The following RSPO3 variants were observed in gnomAD, a reference collection of about 807,000 sequenced individuals.
RSPO3 encodes the protein R-spondin 3.
RSPO3 carries 17 observed loss-of-function variants against 36.5 expected under a neutral mutation model. That is an observed-to-expected ratio of 0.47 (90% CI 0.32 to 0.70). RSPO3 has a LOEUF of 0.70. Ranked by LOEUF, RSPO3 falls within the 30% of genes least tolerant of loss-of-function variation. The pLI is 0.04. For synonymous variants in RSPO3, 108 were observed against 107.0 expected (o/e 1.01, Z -0.06); for missense variants, 294 against 322.5 (o/e 0.91, Z 0.68).
chr6:127,135,122 A>G, intron 1 of RSPO3, among the ~76,000 whole-genome samples: 1 of 152,184 alleles, frequency 6.6e-6, no homozygotes, highest in Non-Finnish European at 1.5e-5. Flanking sequence ...TCAGAGGCCC[A>G]ATAAGATTGC....
intron 4 of RSPO3, among the ~76,000 whole-genome samples, chr6:127,187,317 A>G (rs1424061365): frequency 6.6e-6 from 1 of 152,190 alleles, no homozygotes; most frequent in Non-Finnish European, 1.5e-5. Flanking sequence ...ATTTCTGAAG[A>G]TAGGTAATAA....
rs374713812 is a variant in RSPO3 at position 127,168,544 on chromosome 6, C to T, written c.634+13106C>T. 8.6e-5 allele frequency among the ~76,000 whole-genome samples: 13 copies of T among 152,014 alleles called. No homozygotes were observed. In the East Asian group the frequency reaches 1.7e-3, roughly 20 times the overall value. On this transcript the variant is annotated intron_variant, in intron 4 of 4. Coordinates refer to ENST00000356698, the MANE Select transcript of RSPO3 (RefSeq NM_032784.5). ...TAGATTGCAAAAATTTTCTCCCATT[C>T]TGTAGGTTATTCACTCTGATGGTAG...
chr6:127,162,293 G>C (rs1269679644), intron 4 of RSPO3, among the ~76,000 whole-genome samples: 1 of 152,150 alleles, frequency 6.6e-6, no homozygotes, highest in Non-Finnish European at 1.5e-5. Flanking sequence ...TGCATATACA[G>C]GGTGGGAGAG....
intron 2 of RSPO3, 95 bp from the exon 3 acceptor site, chr6:127,150,331 T>C (rs1303016204): frequency 8.2e-7 from 1 of 1,213,716 alleles, no homozygotes; most frequent in African/African-American, 1.5e-5. Context: ...TATTTGATAC[T>C]AAAGTTGTGT....
intron 4 of RSPO3, among the ~76,000 whole-genome samples, chr6:127,165,293 G>T (rs1774800953): frequency 6.6e-6 from 1 of 151,994 alleles, no homozygotes; most frequent in East Asian, 1.9e-4. Context: ...ATACAATTTA[G>T]ATGGCTAATT....
At chr6:127,126,519 AGTT>A (rs1180351684) in intron 1 of RSPO3, among the ~76,000 whole-genome samples, 4 of 152,064 alleles carry the variant, frequency 2.6e-5, no homozygotes, top group Admixed American at 1.3e-4. Flanking sequence ...CATAAGCTGT[AGTT>A]GTTGTTGCCA....
At chr6:127,133,819 A>G (rs950184124) in intron 1 of RSPO3, among the ~76,000 whole-genome samples, 3 of 152,186 alleles carry the variant, frequency 2.0e-5, no homozygotes, top group African/African-American at 4.8e-5. Context: ...TTTATTTAAT[A>G]GCTCTTTATT....
At chr6:127,183,671 A>G (rs546014764) in intron 4 of RSPO3, among the ~76,000 whole-genome samples, 25 of 152,164 alleles carry the variant, frequency 1.6e-4, no homozygotes, top group African/African-American at 5.8e-4. Context: ...TGCCAAAGAG[A>G]AAGGAGCTAC....
chr6:127,194,452 T>C (rs1031419515), intron 4 of RSPO3, among the ~76,000 whole-genome samples: 12 of 152,202 alleles, frequency 7.9e-5, no homozygotes, highest in African/African-American at 2.4e-4. Flanking sequence ...TAATTTCTCA[T>C]TGGGATATAT....
chr6:127,139,272 G>C (rs1031999353), intron 1 of RSPO3, among the ~76,000 whole-genome samples: 1 of 152,208 alleles, frequency 6.6e-6, no homozygotes, highest in African/African-American at 2.4e-5. Context: ...TCTAGTGCTT[G>C]TTGAAATACC....
intron 1 of RSPO3, among the ~76,000 whole-genome samples, chr6:127,135,919 C>A: frequency 8.0e-6 from 1 of 124,726 alleles, no homozygotes; most frequent in Non-Finnish European, 1.7e-5. Context: ...AAACTGAGAC[C>A]CTGCCTCAAA....
chr6:127,123,708 G>A (rs1405649513), intron 1 of RSPO3, among the ~76,000 whole-genome samples: 2 of 152,014 alleles, frequency 1.3e-5, no homozygotes, highest in African/African-American at 4.8e-5. Context: ...GTATGAAACT[G>A]ATTTAATGTT....
chr6:127,132,489 G>T (rs1227932988), intron 1 of RSPO3, among the ~76,000 whole-genome samples: 1 of 151,830 alleles, frequency 6.6e-6, no homozygotes, highest in Admixed American at 6.6e-5. Flanking sequence ...CTGACTACTC[G>T]TGCTTTAATG....
intron 4 of RSPO3, among the ~76,000 whole-genome samples, chr6:127,169,254 G>A (rs773136401): frequency 2.0e-5 from 3 of 150,408 alleles, no homozygotes; most frequent in African/African-American, 7.3e-5. Context: ...CTTTGTTTTT[G>A]TAATTACAAC....
intron 4 of RSPO3, among the ~76,000 whole-genome samples, chr6:127,170,139 T>C (rs777943307): frequency 6.6e-6 from 1 of 151,756 alleles, no homozygotes; most frequent in Non-Finnish European, 1.5e-5. Flanking sequence ...AGACTTTTAG[T>C]GGGCATTTGA....
chr6:127,164,351 C>T (rs796592577), intron 4 of RSPO3, among the ~76,000 whole-genome samples: 7 of 152,204 alleles, frequency 4.6e-5, no homozygotes, highest in African/African-American at 1.7e-4. Context: ...AGAAACAAAA[C>T]TTACCAAATC....
intron 1 of RSPO3, among the ~76,000 whole-genome samples, chr6:127,144,640 C>CTTGTTTTTTTGTTTT (rs1554220614): frequency 8.2e-5 from 5 of 61,330 alleles, no homozygotes; most frequent in Non-Finnish European, 1.7e-4. Context: ...GTAGCTTCCC[C>CTTGTTTTTTTGTTTT]TTGTTTTTTT....
chr6:127,194,459 A>G (rs992460920), intron 4 of RSPO3, among the ~76,000 whole-genome samples: 1 of 152,212 alleles, frequency 6.6e-6, no homozygotes, highest in African/African-American at 2.4e-5. Context: ...TCATTGGGAT[A>G]TATGTGTTCA....
chr6:127,149,919 T>C (rs1774456190), intron 2 of RSPO3, among the ~76,000 whole-genome samples: 1 of 152,066 alleles, frequency 6.6e-6, no homozygotes, highest in Non-Finnish European at 1.5e-5. Flanking sequence ...TATTGTTTAC[T>C]GTATCTCCTC....
Sources: gnomAD v4.1 joint callset for allele counts (sites outside exome capture counted in the v4.1 genomes callset) on GRCh38, gnomAD v4.1.1 for gene constraint, MANE v1.5 for transcripts, NCBI Gene and HGNC (gene_info 2026-07-23, HGNC 2026-07-21) for gene names.